PPP1R12A: variants seen among roughly 807,000 people sequenced by gnomAD.
PPP1R12A encodes the protein myosin binding subunit.
PPP1R12A carries 19 observed loss-of-function variants against 139.6 expected under a neutral mutation model. The ratio of observed to expected loss-of-function variants is 0.14; its 90% CI spans 0.09 to 0.20. The LOEUF (loss-of-function observed/expected upper bound fraction) is 0.20, where lower values mean the gene tolerates loss of function less well. Among genes scored for constraint, PPP1R12A ranks in the 10% least tolerant of loss-of-function variants. PPP1R12A has a pLI of 1.00. For synonymous variants in PPP1R12A, 427 were observed against 420.6 expected (o/e 1.02, Z -0.19); for missense variants, 925 against 1,211.5 (o/e 0.76, Z 3.51).
chr12:79,780,137 G>A (rs1241534976), intron 23 of PPP1R12A: 1 of 152,060 alleles, frequency 6.6e-6, no homozygotes, highest in Non-Finnish European at 1.5e-5. Flanking sequence ...CCAGGAACTG[G>A]AGGATGCAGT....
chr12:79,797,212 A>G lies in PPP1R12A; in HGVS notation c.2275T>C (p.Ser759Pro), dbSNP rs753693181. 3.8e-6 allele frequency: 6 copies of G among 1,586,572 alleles called. No homozygotes were observed. Among genetic ancestry groups the G allele is most frequent in the Non-Finnish European group, 5.1e-6 (6 of 1,166,530 alleles). Residue 759 changes from serine to proline, a missense_variant, in exon 16 of 25, where the codon TCC becomes CCC. This residue lies in a region of PPP1R12A where 315 missense variants were observed against 363.4 expected (regional missense o/e 0.87). Transcript: ENST00000450142. Reference sequence around the variant, plus strand: ...ACTGTTACCTCATCATACGTTCTGGAGTACTTTTGTTTATATTCATCTTCT... The same window carrying G: ...ACTGTTACCTCATCATACGTTCTGGGGTACTTTTGTTTATATTCATCTTCT... ...SREDEYKQKY[S>P]RTYDETYQRY...
intron 1 of PPP1R12A, among the ~76,000 whole-genome samples, chr12:79,917,340 C>A (rs1411460550): frequency 6.6e-6 from 1 of 151,960 alleles, no homozygotes; most frequent in African/African-American, 2.4e-5. Flanking sequence ...GAAAAAATAG[C>A]TGGGCGTGGT....
intron 2 of PPP1R12A, among the ~76,000 whole-genome samples, chr12:79,861,292 T>C (rs1197552900): frequency 6.6e-6 from 1 of 152,208 alleles, no homozygotes; most frequent in African/African-American, 2.4e-5. Context: ...CTGATAAGGA[T>C]AATAGCTGCA....
intron 19 of PPP1R12A, 145 bp from the exon 20 acceptor site, chr12:79,790,628 C>A: frequency 2.0e-6 from 1 of 489,076 alleles, no homozygotes; most frequent in Non-Finnish European, 3.5e-6. Flanking sequence ...ACAGTATATA[C>A]ATATTTTGTT....
intron 1 of PPP1R12A, among the ~76,000 whole-genome samples, chr12:79,919,956 G>C (rs1470577744): frequency 6.6e-6 from 1 of 152,132 alleles, no homozygotes; most frequent in East Asian, 1.9e-4. Context: ...ACAGAGTTGT[G>C]CAACTGTCAG....
intron 11 of PPP1R12A, 140 bp downstream of exon 11, chr12:79,808,343 G>T (rs940790243): frequency 3.4e-5 from 20 of 587,662 alleles, no homozygotes; most frequent in African/African-American, 3.4e-4. Flanking sequence ...TATGTACCTG[G>T]TATTTTCTCC....
rs1565744239 is a variant in PPP1R12A at position 79,797,356 on chromosome 12, T to C, written c.2131A>G (p.Ile711Val). 2 of 1,603,666 alleles carry C rather than the reference T, an allele frequency of 1.2e-6. No homozygotes were observed. Among genetic ancestry groups the C allele is most frequent in the East Asian group, 2.2e-5 (1 of 44,658 alleles). ...LTDLQEAEKT[I>V]GRSRSTRTRE... ...GTTCGGGTAGAACGACTTCTTCCTA[T>C]TGTTTTCTCAGCTTCTTGAAGATCA... The change falls in exon 16 of 25, where the codon ATA (isoleucine) becomes GTA (valine). Residue 711 changes from isoleucine (I) to valine (V), a missense_variant. Physicochemically the swap from Ile to Val is conservative, Grantham distance 29 (BLOSUM62 3). Coordinates refer to ENST00000450142, the MANE Select transcript of PPP1R12A (RefSeq NM_002480.3).
intron 2 of PPP1R12A, among the ~76,000 whole-genome samples, chr12:79,861,916 T>C (rs980940285): frequency 2.0e-5 from 3 of 152,166 alleles, no homozygotes; most frequent in African/African-American, 7.2e-5. Flanking sequence ...AGACAGCTTC[T>C]CCAGACTTAA....
chr12:79,925,919 T>C (rs1464808982), intron 1 of PPP1R12A, among the ~76,000 whole-genome samples: 1 of 152,190 alleles, frequency 6.6e-6, no homozygotes, highest in Non-Finnish European at 1.5e-5. Context: ...TTCTTTTCTT[T>C]TTCTTTCTTT....
chr12:79,876,708 AGAAAATGAC>A (rs2137355378), intron 1 of PPP1R12A, among the ~76,000 whole-genome samples: 1 of 152,338 alleles, frequency 6.6e-6, no homozygotes, highest in South Asian at 2.1e-4. Context: ...TCCCTAAGGA[AGAAAATGAC>A]AAAGTTTCTA....
chr12:79,849,774 T>C (rs917686071), intron 2 of PPP1R12A, among the ~76,000 whole-genome samples: 7 of 152,168 alleles, frequency 4.6e-5, no homozygotes, highest in African/African-American at 1.7e-4. Flanking sequence ...CTTAAGCAAA[T>C]CAAAGGTAGT....
chr12:79,789,048 T>C (rs1328091827), intron 20 of PPP1R12A, among the ~76,000 whole-genome samples: 1 of 152,138 alleles, frequency 6.6e-6, no homozygotes, highest in Non-Finnish European at 1.5e-5. Flanking sequence ...GTGATTCTTC[T>C]ACCTCAGCCT....
chr12:79,798,925 G>C (rs1051760378), intron 14 of PPP1R12A, among the ~76,000 whole-genome samples: 1 of 151,960 alleles, frequency 6.6e-6, no homozygotes, highest in Non-Finnish European at 1.5e-5. Context: ...AAAATAGAAG[G>C]ATTTCATTTA....
intron 14 of PPP1R12A, among the ~76,000 whole-genome samples, chr12:79,800,088 C>A (rs559761597): frequency 6.6e-6 from 1 of 152,272 alleles, no homozygotes. Flanking sequence ...CTCTGATAAT[C>A]AATATTTCTT....
intron 1 of PPP1R12A, among the ~76,000 whole-genome samples, chr12:79,918,900 G>C (rs572316054): frequency 1.2e-3 from 177 of 152,188 alleles, no homozygotes; most frequent in African/African-American, 4.2e-3. Flanking sequence ...CAGATTACTT[G>C]AGGTCAGGAG....
In PPP1R12A at chr12:79,810,004, T is replaced by C; in HGVS notation, c.1246A>G (p.Thr416Ala). The C allele has an allele frequency of 1.9e-6, 3 of 1,608,592 alleles. No individual in the cohort carries two copies. Among genetic ancestry groups the C allele is most frequent in the Non-Finnish European group, 1.7e-6 (2 of 1,177,454 alleles). The change falls in exon 10 of 25, where the codon ACC becomes GCC. Residue 416 changes from threonine (T) to alanine (A), a missense_variant. Physicochemically the swap from Thr to Ala is moderately conservative, Grantham distance 58. Transcript: ENST00000450142. ...TPTSPIKKFPTTATKISPKEE... is the reference protein window; with the variant it reads ...TPTSPIKKFPATATKISPKEE... ...TTGGGAGAAATTTTTGTAGCTGTGGTTGGAAACTGTGTTTATTTTATTTTT... is the reference window on the plus strand; with the variant it reads ...TTGGGAGAAATTTTTGTAGCTGTGGCTGGAAACTGTGTTTATTTTATTTTT...
At chr12:79,924,001 G>A (rs2136954032) in intron 1 of PPP1R12A, among the ~76,000 whole-genome samples, 1 of 152,224 alleles carries the variant, frequency 6.6e-6, no homozygotes, top group African/African-American at 2.4e-5. Flanking sequence ...CCGAGATTGT[G>A]CCATTGCACT....
intron 5 of PPP1R12A, among the ~76,000 whole-genome samples, chr12:79,824,708 TAAC>T (rs1421204092): frequency 6.6e-6 from 1 of 152,194 alleles, no homozygotes; most frequent in Non-Finnish European, 1.5e-5. Context: ...ATTTGGTTCT[TAAC>T]TACTATAAGG....
chr12:79,885,241 C>G (rs953065092), intron 1 of PPP1R12A, among the ~76,000 whole-genome samples: 1 of 151,994 alleles, frequency 6.6e-6, no homozygotes, highest in Non-Finnish European at 1.5e-5. Flanking sequence ...CCACAGTCTC[C>G]TCCTGAAAAT....
Sources: gnomAD v4.1 joint callset for allele counts (sites outside exome capture counted in the v4.1 genomes callset) on GRCh38, gnomAD v4.1.1 for gene constraint, gnomAD v4.1.1 regional missense constraint, MANE v1.5 for transcripts, NCBI Gene and HGNC (gene_info 2026-07-23, HGNC 2026-07-21) for gene names.